Variants in RYR1 observed in about 807,000 individuals in gnomAD.
RYR1 encodes the protein central core disease of muscle.
A neutral mutation model predicts 583.5 loss-of-function variants in RYR1; 342 were observed. The ratio of observed to expected loss-of-function variants is 0.59; its 90% confidence interval spans 0.54 to 0.64. The LOEUF is 0.64. Ranked by LOEUF, RYR1 falls within the 30% of genes least tolerant of loss-of-function variation. The pLI is 0.00. For synonymous variants in RYR1, 2,791 were observed against 2,822.5 expected (o/e 0.99, Z 0.35); for missense variants, 6,032 against 6,917.2 (o/e 0.87, Z 4.54).
Position 38,543,308 on chromosome 19 carries a change from C to T in RYR1, c.11690-39C>T. The T allele has an allele frequency of 6.4e-7, 1 of 1,558,596 alleles. No homozygotes were observed. Among genetic ancestry groups the T allele is most frequent in the East Asian group, 2.2e-5 (1 of 44,598 alleles). ...GACCCACTGTTCATCTCCCCTAGCA[C>T]ATGGGAGGTGCTGGATAAATGACTT... On this transcript the variant is annotated intron_variant, in intron 84 of 105. Coordinates refer to ENST00000359596, the MANE Select transcript of RYR1 (RefSeq NM_000540.3). This position sits in a 1 kb window ranked among gnomAD's most constrained non-coding sequence, Gnocchi z 4.4.
At chr19:38,562,606 G>T (rs1228042231) in intron 90 of RYR1, among the ~76,000 whole-genome samples, 1 of 152,068 alleles carries the variant, frequency 6.6e-6, no homozygotes, top group African/African-American at 2.4e-5. Flanking sequence ...CCCACACAGA[G>T]CCCTGTCCTC....
intron 20 of RYR1, 128 bp downstream of exon 20, chr19:38,460,719 T>C: frequency 3.3e-6 from 3 of 898,866 alleles, no homozygotes; most frequent in South Asian, 1.4e-5. Flanking sequence ...GGCTCACGCC[T>C]GTAAGCCCAG....
At chr19:38,503,752 A>G (rs1970308766) in intron 49 of RYR1, among the ~76,000 whole-genome samples, 1 of 151,670 alleles carries the variant, frequency 6.6e-6, no homozygotes, top group African/African-American at 2.4e-5. Flanking sequence ...CAGCCTGGTC[A>G]AGAGAGTGAG....
Position 38,504,199 on chromosome 19 carries a change from C to G in RYR1, c.7927-21C>G, listed in dbSNP as rs1325249922. The G allele has an allele frequency of 3.1e-6, 5 of 1,602,434 alleles. No homozygotes were observed. The African/African-American group carries it at 4.0e-5, about 13-fold the overall frequency. Reference sequence around the variant, plus strand: ...GCTGGTGCCCCCCTCATTTGTGTGTCCCCCTCTTGTTCCCACCCAGCTCCT... The same window carrying G: ...GCTGGTGCCCCCCTCATTTGTGTGTGCCCCTCTTGTTCCCACCCAGCTCCT... On this transcript the variant is annotated intron_variant, in intron 49 of 105. Transcript: ENST00000359596.
intron 95 of RYR1, 50 bp downstream of exon 95, chr19:38,572,320 G>A (rs1406957679): frequency 3.2e-6 from 5 of 1,539,794 alleles, no homozygotes; most frequent in Non-Finnish European, 4.4e-6. Flanking sequence ...GCTGGGTGGG[G>A]GTGGGGGCAG....
intron 7 of RYR1, 148 bp from the exon 8 acceptor site, chr19:38,446,324 C>T (rs1270823389): frequency 7.2e-6 from 5 of 694,542 alleles, no homozygotes; most frequent in Non-Finnish European, 1.3e-5. Flanking sequence ...CCTGAAAATA[C>T]CCTGAAACTC....
chr19:38,467,443 CT>C (rs1402287243), intron 24 of RYR1, among the ~76,000 whole-genome samples, 166 bp from the exon 25 acceptor site: 2 of 152,146 alleles, frequency 1.3e-5, no homozygotes, highest in Non-Finnish European at 2.9e-5. Context: ...CTCTCTCTGA[CT>C]TTTCTGAGGT....
chr19:38,468,025 TCATCCATCCATCCATCCATCCATCATC>T lies in RYR1; in HGVS notation c.3381+238_3381+264del, dbSNP rs1341702077. ...GACATCCATCTATCCAACCAACAAT[TCATCCATCCATCCATCCATCCATCATC>T]CATCCATCCATCCATCCATCCATCC... is the stretch of plus-strand genomic sequence containing the variant. On this transcript the variant is annotated intron_variant, in intron 25 of 105. Transcript: ENST00000359596. 126 of 483,050 alleles carry T rather than the reference TCATCCATCCATCCATCCATCCATCATC, an allele frequency of 2.6e-4. 1 individual carries two copies. Among genetic ancestry groups the T allele is most frequent in the Non-Finnish European group, 1.4e-4 (39 of 269,704 alleles). The allele number at this position is 483,050 out of a possible 1,614,324, so 29.9% of individuals were successfully genotyped here. A position where few individuals can be genotyped will look rare whatever the true frequency, so the allele number is the denominator to read the frequency against.
At chr19:38,558,454 C>A (rs1972973903) in intron 89 of RYR1, among the ~76,000 whole-genome samples, 1 of 152,132 alleles carries the variant, frequency 6.6e-6, no homozygotes, top group Non-Finnish European at 1.5e-5. Context: ...AGTTCATCTA[C>A]CCCATAAATA....
intron 64 of RYR1, 128 bp downstream of exon 64, chr19:38,515,235 G>A: frequency 1.3e-6 from 1 of 793,724 alleles, no homozygotes; most frequent in Non-Finnish European, 2.1e-6. Context: ...GGCGGCAGCC[G>A]CGGTTCCCCA....
chr19:38,526,331 A>G lies in RYR1; in HGVS notation c.10627-662A>G, dbSNP rs559812564. ...CCCAGGATTCTGCCCCAAGACCCCT[A>G]TAGCCCTCCCCCCAGGACCACACCA... On this transcript the variant is annotated intron_variant, in intron 71 of 105. Coordinates refer to ENST00000359596, the MANE Select transcript of RYR1 (RefSeq NM_000540.3). 1.3e-3 allele frequency among the ~76,000 whole-genome samples: 201 copies of G among 151,440 alleles called. 2 individuals are homozygous for G. Among genetic ancestry groups the G allele is most frequent in the Admixed American group, 5.4e-3 (83 of 15,234 alleles).
In RYR1 at chr19:38,565,417, G is replaced by A; in HGVS notation, c.13083G>A (p.Ser4361=). 6.7e-7 allele frequency: 1 copy of A among 1,483,236 alleles called. No individual in the cohort carries two copies. Among genetic ancestry groups the A allele is most frequent in the South Asian group, 1.3e-5 (1 of 78,992 alleles). The allele number at this position is 1,483,236 out of a possible 1,614,324, so 91.9% of individuals were successfully genotyped here. ...AAGALGLLWG[S]LFGGGLVEGA... is the part of the protein sequence containing the mutation. ...GCGCGCTGGGCCTGCTCTGGGGCTC[G>A]CTGTTCGGCGGCGGCCTGGTGGAGG... The change falls in exon 91 of 106, where the codon TCG becomes TCA. Residue 4361 remains serine (S), a synonymous_variant. Transcript: ENST00000359596. The surrounding 1 kb of genome is among the most constrained non-coding windows in gnomAD (Gnocchi z 4.7).
chr19:38,497,289 G>A (rs1313334555), intron 42 of RYR1, among the ~76,000 whole-genome samples: 3 of 151,896 alleles, frequency 2.0e-5, no homozygotes, highest in African/African-American at 7.3e-5. Context: ...GGATCCGCAC[G>A]CTACGCTTCC....
At chr19:38,517,273 G>A in intron 65 of RYR1, 86 bp from the exon 66 acceptor site, 1 of 1,356,640 alleles carries the variant, frequency 7.4e-7, no homozygotes, top group Non-Finnish European at 1.0e-6. Flanking sequence ...CAATTCAATG[G>A]TGTCTGATGT....
chr19:38,526,344 C>A (rs527406569), intron 71 of RYR1, among the ~76,000 whole-genome samples: 12 of 151,870 alleles, frequency 7.9e-5, no homozygotes, highest in African/African-American at 2.9e-4. Context: ...GCCCTCCCCC[C>A]AGGACCACAC....
chr19:38,500,075 C>A lies in RYR1; in HGVS notation c.7323+59C>A. ...AGGGCAGGCACAGCCGCTTTGAACG[C>A]CTCATGCAGGCACTCGGTGACACGG... On this transcript the variant is annotated intron_variant, in intron 45 of 105. Transcript: ENST00000359596. The surrounding 1 kb of genome is among the most constrained non-coding windows in gnomAD (Gnocchi z 5.9). The A allele has an allele frequency of 6.8e-7, 1 of 1,469,268 alleles. No homozygotes were observed. The highest frequency in any genetic ancestry group is 9.5e-7 in the Non-Finnish European group (1 of 1,052,958). The allele number at this position is 1,469,268 out of a possible 1,614,324, so 91.0% of individuals were successfully genotyped here.
chr19:38,518,961 C>T lies in RYR1; in HGVS notation c.10019-253C>T, dbSNP rs71356810. Among the ~76,000 whole-genome samples, 28,672 of 150,334 alleles carry T rather than the reference C, an allele frequency of 0.19. 3,398 individuals carry two copies. The highest frequency in any genetic ancestry group is 0.3 in the East Asian group (1,552 of 5,090). Reference sequence around the variant, plus strand: ...AAAAAAAGTTAGGTAACAGGTGAGGCGTCTGTTGTTGGGGGTCAGAGGTCA... The same window carrying T: ...AAAAAAAGTTAGGTAACAGGTGAGGTGTCTGTTGTTGGGGGTCAGAGGTCA... On this transcript the variant is annotated intron_variant, in intron 66 of 105. Coordinates refer to ENST00000359596, the MANE Select transcript of RYR1 (RefSeq NM_000540.3).
intron 65 of RYR1, 45 bp from the exon 66 acceptor site, chr19:38,517,314 G>T (rs776859144): frequency 6.3e-7 from 1 of 1,594,566 alleles, no homozygotes; most frequent in South Asian, 1.1e-5. Flanking sequence ...ACTGAGGTCT[G>T]GGGGTGATGG....
In RYR1 at chr19:38,452,126, C is replaced by CAA. The variant is rs66571762; in HGVS notation, c.1244+265_1244+266dup. Among the ~76,000 whole-genome samples the CAA allele has an allele frequency of 0.5, 34,126 of 68,492 alleles. 8,291 individuals carry two copies. The highest frequency in any genetic ancestry group is 0.55 in the Admixed American group (2,735 of 4,966). The allele number at this position is 68,492 out of a possible 152,430, so 44.9% of individuals were successfully genotyped here. On this transcript the variant is annotated intron_variant, in intron 12 of 105. Transcript: ENST00000359596. ...CAGCATAGGGAGACCCCGCCTCTACCAAAAAAAAAAAAAAAAAAAAAAAAA... is the reference window on the plus strand; with the variant it reads ...CAGCATAGGGAGACCCCGCCTCTACCAAAAAAAAAAAAAAAAAAAAAAAAAAA...
Sources: allele counts gnomAD v4.1 joint callset (sites outside exome capture counted in the v4.1 genomes callset), GRCh38; gene constraint gnomAD v4.1.1; non-coding constraint Gnocchi (gnomAD v3.1); transcripts MANE v1.5; gene names NCBI Gene and HGNC (gene_info 2026-07-23, HGNC 2026-07-21).